The following MCPH1 variants were observed in gnomAD, a reference collection of about 807,000 sequenced individuals.
The protein encoded by MCPH1 is microcephalin 1, also known as microcephalin.
A neutral mutation model predicts 84.5 loss-of-function variants in MCPH1; 104 were observed. That is an observed-to-expected ratio of 1.23 (90% CI 1.05 to 1.45). The LOEUF is 1.45. MCPH1 is among the 40% of genes most tolerant of loss of function. The pLI is 0.00. For synonymous variants in MCPH1, 514 were observed against 366.8 expected, an observed-to-expected ratio of 1.40 and a Z score of -4.58; for missense variants, 1,498 against 1,005.7, an observed-to-expected ratio of 1.49 and a Z score of -6.62.
intron 12 of MCPH1, among the ~76,000 whole-genome samples, chr8:6,570,433 GT>G (rs1179559596): frequency 6.6e-6 from 1 of 152,148 alleles, no homozygotes; most frequent in Non-Finnish European, 1.5e-5. Context: ...TGCCATATGT[GT>G]TTTCAGGCCA....
chr8:6,508,580 G>C, intron 12 of MCPH1: 1 of 428,784 alleles, frequency 2.3e-6, no homozygotes, highest in Non-Finnish European at 4.1e-6. Context: ...TTGCTACTTG[G>C]AATTTTTAAC....
rs949792303 is a variant in MCPH1 at position 6,462,869 on chromosome 8, G to C, written c.1935+7617G>C. ...AGCTATTTTCTTCAGCACCAGCTTG[G>C]GTGAGGGTCATGTCTGCATATTGAC... On this transcript the variant is annotated intron_variant, in intron 9 of 13. Transcript: ENST00000344683. 7.9e-5 allele frequency among the ~76,000 whole-genome samples: 12 copies of C among 152,280 alleles called. 1 individual carries two copies. Among genetic ancestry groups the C allele is most frequent in the African/African-American group, 2.9e-4 (12 of 41,554 alleles).
intron 12 of MCPH1, chr8:6,503,294 C>G: frequency 1.2e-6 from 2 of 1,612,536 alleles, no homozygotes; most frequent in South Asian, 2.2e-5. Flanking sequence ...GAATTAGGAA[C>G]TAGGTGATGC....
At chr8:6,546,344 G>T (rs1355309510) in intron 12 of MCPH1, among the ~76,000 whole-genome samples, 1 of 152,188 alleles carries the variant, frequency 6.6e-6, no homozygotes, top group Non-Finnish European at 1.5e-5. Flanking sequence ...GTATCAGCTT[G>T]TACCTCTGTA....
chr8:6,440,393 C>A (rs1803328343), intron 6 of MCPH1, among the ~76,000 whole-genome samples: 1 of 152,104 alleles, frequency 6.6e-6, no homozygotes, highest in East Asian at 1.9e-4. Context: ...TTCATACATG[C>A]AGAATTTGAT....
At chr8:6,549,892 A>C (rs1045296898) in intron 12 of MCPH1, among the ~76,000 whole-genome samples, 4 of 152,184 alleles carry the variant, frequency 2.6e-5, no homozygotes, top group Non-Finnish European at 4.4e-5. Context: ...AAGAAAAGAA[A>C]AGAAAAAGCT....
At chr8:6,591,863 G>C (rs962295120) in intron 12 of MCPH1, among the ~76,000 whole-genome samples, 1 of 152,156 alleles carries the variant, frequency 6.6e-6, no homozygotes, top group Non-Finnish European at 1.5e-5. Context: ...TTGAAAGTGA[G>C]TCTATCTATA....
rs759039958 is a variant in MCPH1, at chr8:6,444,526, A to G, written c.804A>G (p.Val268=). Residue 268 remains valine, a synonymous_variant, in exon 8 of 14, where the codon GTA becomes GTG. Transcript: ENST00000344683. ...GTGATGTGTGTATTTCTTCACTTGT[A>G]TTGAAAGCAAATAATATTCATTCAT... ...IKSDVCISSL[V]LKANNIHSSP... 148 of 1,614,106 alleles carry G rather than the reference A, an allele frequency of 9.2e-5. No individual in the cohort carries two copies. Among genetic ancestry groups the G allele is most frequent in the Middle Eastern group, 1.6e-4 (1 of 6,084 alleles).
chr8:6,414,174 A>G (rs761878913), intron 2 of MCPH1, among the ~76,000 whole-genome samples: 8 of 151,838 alleles, frequency 5.3e-5, no homozygotes, highest in Non-Finnish European at 8.8e-5. Flanking sequence ...CACCCGGATA[A>G]TTTTTGTATT....
intron 9 of MCPH1, among the ~76,000 whole-genome samples, chr8:6,459,955 G>A (rs1806097849): frequency 6.6e-6 from 1 of 152,238 alleles, no homozygotes; most frequent in African/African-American, 2.4e-5. Context: ...CGCGAGAAGA[G>A]AGAGGCTGAC....
intron 11 of MCPH1, among the ~76,000 whole-genome samples, chr8:6,493,914 A>G (rs1420576602): frequency 6.6e-6 from 1 of 151,084 alleles, no homozygotes; most frequent in African/African-American, 2.4e-5. Flanking sequence ...TAAATTGCTC[A>G]TGGTCATAGT....
At chr8:6,636,118 C>T (rs543306146) in intron 13 of MCPH1, among the ~76,000 whole-genome samples, 10 of 152,286 alleles carry the variant, frequency 6.6e-5, no homozygotes, top group South Asian at 6.2e-4. Flanking sequence ...GCGGGCAGAT[C>T]ACTTGAGGCC....
At chr8:6,618,118 G>T (rs1223671915) in intron 12 of MCPH1, among the ~76,000 whole-genome samples, 1 of 152,116 alleles carries the variant, frequency 6.6e-6, no homozygotes, top group Non-Finnish European at 1.5e-5. Flanking sequence ...ATTACCAAGG[G>T]TATTGAAAAA....
intron 12 of MCPH1, among the ~76,000 whole-genome samples, chr8:6,504,284 C>G (rs182618623): frequency 2.0e-3 from 293 of 143,036 alleles, no homozygotes; most frequent in African/African-American, 7.1e-3. Context: ...CGCCACTGCA[C>G]TCCAGCCTGG....
At chr8:6,412,045 G>T (rs1356871251) in intron 2 of MCPH1, among the ~76,000 whole-genome samples, 1 of 152,122 alleles carries the variant, frequency 6.6e-6, no homozygotes, top group Non-Finnish European at 1.5e-5. Flanking sequence ...AGCTGCTGTG[G>T]GTATAAAACT....
At chr8:6,614,509 C>G (rs745791729) in intron 12 of MCPH1, among the ~76,000 whole-genome samples, 7 of 152,216 alleles carry the variant, frequency 4.6e-5, no homozygotes, top group African/African-American at 7.2e-5. Context: ...GAGGCAGGCC[C>G]TTTGTCCAGT....
Position 6,645,491 on chromosome 8 carries a change from T to C in MCPH1, c.*2442T>C, listed in dbSNP as rs1798173779. 6.6e-6 allele frequency: 1 copy of C among 151,850 alleles called. No individual in the cohort carries two copies. The highest frequency in any genetic ancestry group is 2.4e-5 in the African/African-American group (1 of 41,308). The allele number at this position is 151,850 out of a possible 1,614,324, so 9.4% of individuals were successfully genotyped here. On this transcript the variant is annotated 3_prime_UTR_variant, in exon 14 of 14. Coordinates refer to ENST00000344683, the MANE Select transcript of MCPH1 (RefSeq NM_024596.5). ...CTGTTATTCAACGTTGCATTAAAGT[T>C]TCTACCCAGAGAAGGCAATAAAAGG...
intron 13 of MCPH1, among the ~76,000 whole-genome samples, chr8:6,624,010 A>C (rs1586849736): frequency 6.6e-6 from 1 of 152,110 alleles, no homozygotes; most frequent in African/African-American, 2.4e-5. Flanking sequence ...CTGCCTCTGC[A>C]CTCGTGTTTC....
At chr8:6,620,266 T>C (rs1563200252) in intron 12 of MCPH1, 1 of 152,202 alleles carries the variant, frequency 6.6e-6, no homozygotes, top group Non-Finnish European at 1.5e-5. Context: ...GCAAATTCCA[T>C]GAGCATATAT....
Sources: allele counts gnomAD v4.1 joint callset (sites outside exome capture counted in the v4.1 genomes callset), GRCh38; gene constraint gnomAD v4.1.1; transcripts MANE v1.5; gene names NCBI Gene and HGNC (gene_info 2026-07-23, HGNC 2026-07-21).